KCNQ1: variants seen among roughly 807,000 people sequenced by gnomAD.
KCNQ1 encodes potassium voltage-gated channel subfamily KQT member 1.
A neutral mutation model predicts 72.4 loss-of-function variants in KCNQ1; 49 were observed. The ratio of observed to expected loss-of-function variants is 0.68; its 90% CI spans 0.54 to 0.86. The LOEUF (loss-of-function observed/expected upper bound fraction) is 0.86. KCNQ1 is among the 40% of genes least tolerant of loss of function. The probability of loss-of-function intolerance (pLI) is 0.00; values close to 1 mark genes in which losing one functional copy is unlikely to be tolerated. For missense variants in KCNQ1, 790 were observed against 945.1 expected, an observed-to-expected ratio of 0.84 and a Z score of 2.15; for synonymous variants, 450 against 412.6, an observed-to-expected ratio of 1.09 and a Z score of -1.10.
rs994094960 is a variant in KCNQ1 at position 2,482,049 on chromosome 11, T to C, written c.386+36565T>C. 6.6e-6 allele frequency among the ~76,000 whole-genome samples: 1 copy of C among 152,288 alleles called. No individual in the cohort carries two copies. The highest frequency in any genetic ancestry group is 6.5e-5 in the Admixed American group (1 of 15,298). ...GCTGTTTGCTTTATGAATTTGTGCC[T>C]CAGTTTCTTCATCTCTGAAACGGGA... On this transcript the variant is annotated intron_variant, in intron 1 of 15. Transcript: ENST00000155840. The surrounding 1 kb of genome is among the most constrained non-coding windows in gnomAD (Gnocchi z 5.7).
rs1361685236 is a variant in KCNQ1, at chr11:2,818,892, G to C, written c.1795-28875G>C. Among the ~76,000 whole-genome samples, 1 of 152,114 alleles carries C rather than the reference G, an allele frequency of 6.6e-6. No individual in the cohort carries two copies. The highest frequency in any genetic ancestry group is 1.5e-5 in the Non-Finnish European group (1 of 68,020). On this transcript the variant is annotated intron_variant, in intron 15 of 15. Transcript: ENST00000155840. The surrounding 1 kb of genome is among the most constrained non-coding windows in gnomAD (Gnocchi z 7.2). Reference sequence around the variant, plus strand: ...AGGCCCAGCAGAATCACATCTAGGAGAGTGGGCCACATGCCTCTTGGAAGG... The same window carrying C: ...AGGCCCAGCAGAATCACATCTAGGACAGTGGGCCACATGCCTCTTGGAAGG...
Position 2,683,280 on chromosome 11 carries a change from A to G in KCNQ1, c.1514+21199A>G. The stretch of plus-strand genomic sequence containing the variant: ...GAACCTGTCAGCCTGAGTATGGGCA[A>G]TGGCGTTTTAGTTTGCAAAACCAGA... On this transcript the variant is annotated intron_variant, in intron 11 of 15. Transcript: ENST00000155840. The surrounding 1 kb of genome is among the most constrained non-coding windows in gnomAD (Gnocchi z 4.7). 2.5e-6 allele frequency: 1 copy of G among 398,620 alleles called. No homozygotes were observed. Among genetic ancestry groups the G allele is most frequent in the Non-Finnish European group, 4.4e-6 (1 of 226,064 alleles). 24.7% of individuals were successfully genotyped at this position (398,620 alleles called of 1,614,324 possible).
chr11:2,807,801 C>T (rs945603951), intron 15 of KCNQ1, among the ~76,000 whole-genome samples: 12 of 152,142 alleles, frequency 7.9e-5, no homozygotes, highest in East Asian at 5.8e-4. Flanking sequence ...TCCCCCATCA[C>T]GATACTCCAG....
intron 11 of KCNQ1, among the ~76,000 whole-genome samples, chr11:2,730,362 G>A (rs1343763822): frequency 6.6e-6 from 1 of 152,232 alleles, no homozygotes; most frequent in Non-Finnish European, 1.5e-5. Flanking sequence ...GAGGTCAGAT[G>A]TCCGACATGG....
Position 2,824,996 on chromosome 11 carries a change from A to G in KCNQ1, c.1795-22771A>G, listed in dbSNP as rs901415065. Among the ~76,000 whole-genome samples, 2 of 152,310 alleles carry G rather than the reference A, an allele frequency of 1.3e-5. No homozygotes were observed. The highest frequency in any genetic ancestry group is 2.1e-4 in the South Asian group (1 of 4,832). ...GCCGGGTGTGGATGGAAGCTGTACG[A>G]TGGGGCCTGGGCCAGGGATTGTGGG... On this transcript the variant is annotated intron_variant, in intron 15 of 15. Coordinates refer to ENST00000155840, the MANE Select transcript of KCNQ1 (RefSeq NM_000218.3). This position sits in a 1 kb window ranked among gnomAD's most constrained non-coding sequence, Gnocchi z 5.9.
intron 10 of KCNQ1, among the ~76,000 whole-genome samples, chr11:2,594,774 A>G (rs887432339): frequency 2.0e-4 from 31 of 152,068 alleles, no homozygotes; most frequent in South Asian, 4.1e-4. Context: ...CATATTTTAA[A>G]CTACAACTTT....
intron 6 of KCNQ1, among the ~76,000 whole-genome samples, chr11:2,582,997 C>T (rs1848525639): frequency 1.3e-5 from 2 of 152,160 alleles, no homozygotes; most frequent in African/African-American, 4.8e-5. Context: ...CGTCAGGAAG[C>T]AGCGCGTCAT....
At chr11:2,791,939 C>T (rs1847034473) in intron 15 of KCNQ1, among the ~76,000 whole-genome samples, 2 of 152,248 alleles carry the variant, frequency 1.3e-5, no homozygotes, top group African/African-American at 4.8e-5. Flanking sequence ...CTTTGCCGCG[C>T]GAACAGCCTT....
rs903657458 is a variant in KCNQ1 at position 2,584,810 on chromosome 11, C to T, written c.1033-402C>T. ...TAGCTTCAGGGTGGGTCCTTTGCATCCCATCAACCGTCCTTGGGCGAGGCA... is the reference window on the plus strand; with the variant it reads ...TAGCTTCAGGGTGGGTCCTTTGCATTCCATCAACCGTCCTTGGGCGAGGCA... On this transcript the variant is annotated intron_variant, in intron 7 of 15. Transcript: ENST00000155840. 5.9e-5 allele frequency among the ~76,000 whole-genome samples: 9 copies of T among 152,232 alleles called. 1 individual carries two copies. The South Asian group carries it at 1.9e-3, about 32-fold the overall frequency.
intron 1 of KCNQ1, among the ~76,000 whole-genome samples, chr11:2,502,684 C>T (rs1202014860): frequency 2.6e-5 from 4 of 152,116 alleles, no homozygotes; most frequent in Non-Finnish European, 2.9e-5. Context: ...AGTAAAAACA[C>T]TCCTCAAACT....
intron 15 of KCNQ1, among the ~76,000 whole-genome samples, chr11:2,814,867 T>C (rs1334496455): frequency 6.6e-6 from 1 of 152,198 alleles, no homozygotes; most frequent in Non-Finnish European, 1.5e-5. Flanking sequence ...TCTTCCATGC[T>C]CATCAGAGGG....
chr11:2,758,338 T>C (rs1022297024), intron 11 of KCNQ1, among the ~76,000 whole-genome samples: 1 of 152,130 alleles, frequency 6.6e-6, no homozygotes, highest in Non-Finnish European at 1.5e-5. Context: ...AAATGCAGAT[T>C]AAAACCACAG....
chr11:2,631,456 T>G (rs1849351932), intron 10 of KCNQ1: 2 of 398,312 alleles, frequency 5.0e-6, no homozygotes, highest in East Asian at 3.6e-5. Flanking sequence ...ATTTCTTTAT[T>G]GAATGTCTCC....
chr11:2,719,493 A>C (rs1013123601), intron 11 of KCNQ1, among the ~76,000 whole-genome samples: 12 of 151,740 alleles, frequency 7.9e-5, no homozygotes, highest in African/African-American at 2.7e-4. Flanking sequence ...ACAAACAAAC[A>C]AACAAACAAA....
intron 7 of KCNQ1, 60 bp from the exon 8 acceptor site, chr11:2,585,152 G>A: frequency 6.9e-7 from 1 of 1,455,810 alleles, no homozygotes; most frequent in Non-Finnish European, 9.7e-7. Flanking sequence ...CACGTCCTGA[G>A]GCTGCACCCA....
intron 15 of KCNQ1, among the ~76,000 whole-genome samples, chr11:2,806,546 C>T (rs1564900295): frequency 6.6e-6 from 1 of 152,226 alleles, no homozygotes; most frequent in African/African-American, 2.4e-5. Context: ...AGTGGCTAGG[C>T]ACCAGGTAAC....
chr11:2,633,015 C>T, intron 10 of KCNQ1: 1 of 398,488 alleles, frequency 2.5e-6, no homozygotes. Context: ...TAATGACTCA[C>T]TAATTTATAG....
chr11:2,666,249 G>A, intron 11 of KCNQ1: 1 of 398,696 alleles, frequency 2.5e-6, no homozygotes, highest in African/African-American at 2.1e-5. Flanking sequence ...GGGCATGGGG[G>A]AGGACCAGGA....
rs2133759670 is a variant in KCNQ1, at chr11:2,588,313, C to T, written c.1252-400C>T. ...TACTGTTCCCTGTGCTGGAATGTTC[C>T]CCCAGATTTCCACACAGCCTGCTCC... On this transcript the variant is annotated intron_variant, in intron 9 of 15. Coordinates refer to ENST00000155840, the MANE Select transcript of KCNQ1 (RefSeq NM_000218.3). This position sits in a 1 kb window ranked among gnomAD's most constrained non-coding sequence, Gnocchi z 5.6. 6.6e-6 allele frequency among the ~76,000 whole-genome samples: 1 copy of T among 152,234 alleles called. No individual in the cohort carries two copies. The highest frequency in any genetic ancestry group is 1.9e-4 in the East Asian group (1 of 5,182).
Sources: allele counts gnomAD v4.1 joint callset (sites outside exome capture counted in the v4.1 genomes callset), GRCh38; gene constraint gnomAD v4.1.1; non-coding constraint Gnocchi (gnomAD v3.1); transcripts MANE v1.5; gene names NCBI Gene and HGNC (gene_info 2026-07-23, HGNC 2026-07-21).